Variants in DRC8 observed in about 807,000 individuals in gnomAD.
DRC8 encodes dynein regulatory complex subunit 8, also known as dynein regulatory complex protein 8.
At chr1:244,978,713 C>G in the DRC8 span, among the ~76,000 whole-genome samples, 1 of 152,092 alleles carries the variant, frequency 6.6e-6, no homozygotes, top group African/African-American at 2.4e-5. Context: ...TAGTCTCAAA[C>G]TCCTGGCCTC....
At chr1:245,085,725 C>A in the DRC8 span, among the ~76,000 whole-genome samples, 1 of 152,060 alleles carries the variant, frequency 6.6e-6, no homozygotes, top group African/African-American at 2.4e-5. Context: ...TGGTGCTGGT[C>A]GGTTTGTTAG....
At chr1:245,007,582 A>C in the DRC8 span, among the ~76,000 whole-genome samples, 1 of 152,230 alleles carries the variant, frequency 6.6e-6, no homozygotes, top group African/African-American at 2.4e-5. Context: ...AGGAATCAAA[A>C]AATGGCAAAA....
At chr1:245,062,096 A>C in the DRC8 span, among the ~76,000 whole-genome samples, 1 of 152,162 alleles carries the variant, frequency 6.6e-6, no homozygotes, top group Non-Finnish European at 1.5e-5. Flanking sequence ...ACAGAGCAAG[A>C]CTCTGTCTCA....
At chr1:245,082,014 C>A in the DRC8 span, 1 of 1,326,508 alleles carries the variant, frequency 7.5e-7, no homozygotes, top group Non-Finnish European at 1.1e-6. Flanking sequence ...TGGCACAGTG[C>A]TTGGAACAAC....
At chr1:245,099,874 A>T in the DRC8 span, among the ~76,000 whole-genome samples, 1 of 152,174 alleles carries the variant, frequency 6.6e-6, no homozygotes, top group African/African-American at 2.4e-5. Context: ...AGACAATGGT[A>T]CAGTGTATCT....
At chr1:245,028,490 A>AT in the DRC8 span, among the ~76,000 whole-genome samples, 1 of 151,864 alleles carries the variant, frequency 6.6e-6, no homozygotes, top group South Asian at 2.1e-4. Context: ...AAAGAGGAAT[A>AT]TTTTTTTTCT....
At chr1:245,098,082 C>T in the DRC8 span, among the ~76,000 whole-genome samples, 10 of 152,012 alleles carry the variant, frequency 6.6e-5, no homozygotes, top group East Asian at 5.8e-4. Flanking sequence ...TAGTGAAAGG[C>T]GGTTGGATTT....
chr1:244,994,908 C>T, the DRC8 span, among the ~76,000 whole-genome samples: 393 of 152,274 alleles, frequency 2.6e-3, 2 homozygotes, highest in African/African-American at 9.0e-3. Flanking sequence ...TGGCAGTGCC[C>T]TAAATTTGAT....
At chr1:245,098,303 C>T in the DRC8 span, among the ~76,000 whole-genome samples, 2 of 152,000 alleles carry the variant, frequency 1.3e-5, no homozygotes, top group African/African-American at 2.4e-5. Context: ...GTCTGGAGCT[C>T]CGGAGAGCCT....
the DRC8 span, among the ~76,000 whole-genome samples, chr1:245,003,914 A>G: frequency 6.6e-6 from 1 of 151,944 alleles, no homozygotes; most frequent in Non-Finnish European, 1.5e-5. Context: ...TTTTGTTTTT[A>G]GAGGCAGGGT....
the DRC8 span, among the ~76,000 whole-genome samples, chr1:245,053,780 C>T: frequency 8.9e-4 from 135 of 152,246 alleles, no homozygotes; most frequent in African/African-American, 3.1e-3. Flanking sequence ...ATAGCAGATT[C>T]GCTCAGCAGA....
chr1:245,008,077 G>T, the DRC8 span, among the ~76,000 whole-genome samples: 1 of 152,184 alleles, frequency 6.6e-6, no homozygotes, highest in East Asian at 1.9e-4. Flanking sequence ...TCAGGTGGCT[G>T]AGGCGGGAGG....
chr1:245,057,314 T>C, the DRC8 span, among the ~76,000 whole-genome samples: 1 of 152,348 alleles, frequency 6.6e-6, no homozygotes, highest in Middle Eastern at 3.4e-3. Flanking sequence ...TTTGCCCTTT[T>C]AATGGCAAAA....
chr1:245,076,182 C>G, the DRC8 span, among the ~76,000 whole-genome samples: 1 of 152,182 alleles, frequency 6.6e-6, no homozygotes, highest in African/African-American at 2.4e-5. Context: ...GCGATTGAGT[C>G]TTTTAGGAAA....
chr1:245,013,560 T>C, the DRC8 span, among the ~76,000 whole-genome samples: 38 of 143,496 alleles, frequency 2.6e-4, no homozygotes, highest in East Asian at 3.5e-3. Context: ...ATTATAATAA[T>C]GAAAAATCAG....
chr1:245,041,814 G>A, the DRC8 span, among the ~76,000 whole-genome samples: 841 of 152,234 alleles, frequency 5.5e-3, 4 homozygotes, highest in African/African-American at 0.019. Flanking sequence ...TGGGATGCTC[G>A]CGCACAGAGG....
chr1:245,098,026 A>G, the DRC8 span, among the ~76,000 whole-genome samples: 1 of 152,298 alleles, frequency 6.6e-6, no homozygotes, highest in East Asian at 1.9e-4. Context: ...CAGTTAGGGG[A>G]CATTACCAGG....
At chr1:245,013,342 G>T in the DRC8 span, among the ~76,000 whole-genome samples, 2 of 152,272 alleles carry the variant, frequency 1.3e-5, no homozygotes, top group Middle Eastern at 6.8e-3. Context: ...AAAGGATAAT[G>T]TACTTTTAAA....
At chr1:245,000,068 C>G in the DRC8 span, among the ~76,000 whole-genome samples, 2 of 152,250 alleles carry the variant, frequency 1.3e-5, no homozygotes, top group East Asian at 3.8e-4. Flanking sequence ...ATCCACCTGC[C>G]TCAGCCTCCC....
Sources: allele counts gnomAD v4.1 joint callset (sites outside exome capture counted in the v4.1 genomes callset), GRCh38; gene constraint gnomAD v4.1.1; transcripts MANE v1.5; gene names NCBI Gene and HGNC (gene_info 2026-07-23, HGNC 2026-07-21).